The following CSMD1 variants were observed in gnomAD, a reference collection of about 807,000 sequenced individuals.
CSMD1 encodes the protein CUB and Sushi multiple domains 1.
In CSMD1, 213 loss-of-function variants were observed where a neutral mutation model predicts 417.5. The ratio of observed to expected loss-of-function variants is 0.51; its 90% confidence interval spans 0.46 to 0.57. The LOEUF (loss-of-function observed/expected upper bound fraction) is 0.57, where lower values mean the gene tolerates loss of function less well. Ranked by LOEUF, CSMD1 falls within the 20% of genes least tolerant of loss-of-function variation. CSMD1 has a pLI of 0.00. For missense variants in CSMD1, 6,923 were observed against 4,529.7 expected, an observed-to-expected ratio of 1.53 and a Z score of -15.17; for synonymous variants, 2,862 against 1,736.8, an observed-to-expected ratio of 1.65 and a Z score of -16.11.
chr8:3,817,705 G>T (rs113968141), intron 5 of CSMD1, among the ~76,000 whole-genome samples: 23 of 152,232 alleles, frequency 1.5e-4, no homozygotes, highest in African/African-American at 5.3e-4. Context: ...ACTCTCAGAA[G>T]GTATGCTGAG....
At chr8:4,737,596 C>A (rs1810329700) in intron 1 of CSMD1, among the ~76,000 whole-genome samples, 1 of 152,144 alleles carries the variant, frequency 6.6e-6, no homozygotes, top group Non-Finnish European at 1.5e-5. Context: ...TTCTTCATCT[C>A]TATCTTTATA....
chr8:4,923,136 A>T (rs1371292558), intron 1 of CSMD1, among the ~76,000 whole-genome samples: 1 of 152,168 alleles, frequency 6.6e-6, no homozygotes, highest in African/African-American at 2.4e-5. Context: ...TAGGGGAAAT[A>T]TTTTTAAAAT....
chr8:4,189,141 T>C (rs1192300428), intron 3 of CSMD1, among the ~76,000 whole-genome samples: 1 of 152,248 alleles, frequency 6.6e-6, no homozygotes, highest in Non-Finnish European at 1.5e-5. Flanking sequence ...ACCAAGTTTG[T>C]GAGTCATCTC....
At chr8:3,801,470 A>T (rs763747716) in intron 5 of CSMD1, among the ~76,000 whole-genome samples, 1 of 152,148 alleles carries the variant, frequency 6.6e-6, no homozygotes, top group Non-Finnish European at 1.5e-5. Context: ...GACAGATGAT[A>T]ATAGGCACTG....
intron 3 of CSMD1, among the ~76,000 whole-genome samples, chr8:4,107,633 T>A (rs1437214751): frequency 6.6e-6 from 1 of 152,136 alleles, no homozygotes; most frequent in Non-Finnish European, 1.5e-5. Context: ...GCATGTACAA[T>A]GAGCACCACC....
intron 3 of CSMD1, among the ~76,000 whole-genome samples, chr8:4,272,208 C>A (rs1036496337): frequency 6.6e-6 from 1 of 152,092 alleles, no homozygotes; most frequent in Non-Finnish European, 1.5e-5. Flanking sequence ...AGGTATAGTA[C>A]TTTATGGCTT....
At chr8:3,257,277 C>A (rs1481695364) in intron 26 of CSMD1, among the ~76,000 whole-genome samples, 1 of 152,178 alleles carries the variant, frequency 6.6e-6, no homozygotes, top group Non-Finnish European at 1.5e-5. Context: ...CAAGCCAAAA[C>A]CGTGCCACTG....
At chr8:4,923,189 T>A (rs1369261797) in intron 1 of CSMD1, among the ~76,000 whole-genome samples, 2 of 152,200 alleles carry the variant, frequency 1.3e-5, no homozygotes, top group Non-Finnish European at 2.9e-5. Context: ...ACCACTGTCA[T>A]TTTCTTTCAA....
At chr8:4,034,692 A>T (rs890370391) in intron 3 of CSMD1, among the ~76,000 whole-genome samples, 1 of 152,188 alleles carries the variant, frequency 6.6e-6, no homozygotes, top group Non-Finnish European at 1.5e-5. Flanking sequence ...AAAAAAAGTA[A>T]ACATGTGGAC....
At chr8:4,510,053 G>T (rs1443355316) in intron 2 of CSMD1, among the ~76,000 whole-genome samples, 1 of 152,044 alleles carries the variant, frequency 6.6e-6, no homozygotes, top group African/African-American at 2.4e-5. Flanking sequence ...CAATCTTGGG[G>T]GTAGGTCTTT....
Position 4,277,649 on chromosome 8 carries a change from C to T in CSMD1, c.415+142304G>A, listed in dbSNP as rs983125545. Among the ~76,000 whole-genome samples the T allele has an allele frequency of 5.3e-5, 8 of 152,272 alleles. No individual in the cohort carries two copies. In the East Asian group the frequency reaches 1.5e-3, roughly 29 times the overall value. The stretch of plus-strand genomic sequence containing the variant: ...TCTCACAAGGATATGCAGAAACAAC[C>T]TGTTTGTATCATGTACTGATTTAAA... On this transcript the variant is annotated intron_variant, in intron 3 of 69. Coordinates refer to ENST00000635120, the MANE Select transcript of CSMD1 (RefSeq NM_033225.6).
At chr8:3,891,881 C>T (rs996152428) in intron 5 of CSMD1, among the ~76,000 whole-genome samples, 2 of 152,076 alleles carry the variant, frequency 1.3e-5, no homozygotes, top group Non-Finnish European at 2.9e-5. Flanking sequence ...GTTACTGACA[C>T]GTTTATTATG....
intron 10 of CSMD1, among the ~76,000 whole-genome samples, chr8:3,519,505 T>C (rs528608944): frequency 1.3e-5 from 2 of 152,142 alleles, no homozygotes; most frequent in Non-Finnish European, 2.9e-5. Context: ...CCAGCCAGCT[T>C]GTCTAGTATA....
chr8:3,889,066 C>G (rs1024177238), intron 5 of CSMD1, among the ~76,000 whole-genome samples: 5 of 152,054 alleles, frequency 3.3e-5, no homozygotes, highest in African/African-American at 9.7e-5. Flanking sequence ...AATATGTTAA[C>G]TATCTTTTTT....
chr8:4,943,490 C>G lies in CSMD1; in HGVS notation c.85+50842G>C, dbSNP rs758922844. Among the ~76,000 whole-genome samples the G allele has an allele frequency of 1.7e-4, 16 of 95,334 alleles. No individual in the cohort carries two copies. In the South Asian group the frequency reaches 5.4e-3, roughly 32 times the overall value. The allele number at this position is 95,334 out of a possible 152,430, so 62.5% of individuals were successfully genotyped here. On this transcript the variant is annotated intron_variant, in intron 1 of 69. Transcript: ENST00000635120. Reference sequence around the variant, plus strand: ...CAGCTTGGGGGACAGAGTGAGACACCGTCTCAAAAAAATAAAATGAAATAA... The same window carrying G: ...CAGCTTGGGGGACAGAGTGAGACACGGTCTCAAAAAAATAAAATGAAATAA...
intron 2 of CSMD1, among the ~76,000 whole-genome samples, chr8:4,603,010 A>G (rs942103388): frequency 2.6e-5 from 4 of 152,016 alleles, no homozygotes; most frequent in African/African-American, 9.7e-5. Context: ...TATTTTTAAT[A>G]ATAAAATATT....
intron 25 of CSMD1, among the ~76,000 whole-genome samples, chr8:3,292,861 C>G (rs986392146): frequency 6.6e-6 from 1 of 151,464 alleles, no homozygotes; most frequent in African/African-American, 2.4e-5. Flanking sequence ...GAATTTGATC[C>G]TGTCATTATG....
intron 3 of CSMD1, among the ~76,000 whole-genome samples, chr8:4,222,696 C>G (rs1288242261): frequency 6.6e-6 from 1 of 152,178 alleles, no homozygotes; most frequent in African/African-American, 2.4e-5. Context: ...AGTTATGCCT[C>G]TATCTGGTTC....
chr8:3,265,121 T>C (rs1195226604), intron 26 of CSMD1, among the ~76,000 whole-genome samples: 1 of 152,134 alleles, frequency 6.6e-6, no homozygotes, highest in Non-Finnish European at 1.5e-5. Context: ...TTAAGGATTG[T>C]CACTATTAGA....
Sources: allele counts gnomAD v4.1 joint callset (sites outside exome capture counted in the v4.1 genomes callset), GRCh38; gene constraint gnomAD v4.1.1; transcripts MANE v1.5; gene names NCBI Gene and HGNC (gene_info 2026-07-23, HGNC 2026-07-21).